Variants in DNAH7 observed in about 807,000 individuals in gnomAD.
DNAH7 encodes the protein dynein axonemal heavy chain 7, also known as axonemal beta dynein heavy chain 7.
In DNAH7, 397 loss-of-function variants were observed where a neutral mutation model predicts 444.6. That is an observed-to-expected ratio of 0.89 (90% CI 0.82 to 0.97). DNAH7 has a LOEUF of 0.97. Ranked by LOEUF, DNAH7 falls within the 50% of genes least tolerant of loss-of-function variation. DNAH7 has a pLI of 0.00. For synonymous variants in DNAH7, 1,636 were observed against 1,624.4 expected (o/e 1.01, Z -0.17); for missense variants, 4,902 against 4,800.8 (o/e 1.02, Z -0.62).
intron 47 of DNAH7, among the ~76,000 whole-genome samples, chr2:195,835,687 T>C (rs964883505): frequency 2.6e-5 from 4 of 151,690 alleles, no homozygotes; most frequent in Admixed American, 1.3e-4. Flanking sequence ...CTACTAAAAA[T>C]ACAAAAATTA....
At position 196,000,877 on chromosome 2, in the gene DNAH7, C is replaced by A. The variant is rs1463168531; in HGVS notation, c.1180G>T (p.Val394Phe). Residue 394 changes from valine (V) to phenylalanine (F), a missense_variant, in exon 12 of 65, where the codon GTT becomes TTT. By Grantham distance (50) the Val-to-Phe change is conservative (BLOSUM62 -1). Coordinates refer to ENST00000312428, the MANE Select transcript of DNAH7 (RefSeq NM_018897.3). Reference sequence around the variant, plus strand: ...AAACCTGGATGTTCAAAAGCTCTAACAGAATCCTGCAAAAAATTAAAAAAT... The same window carrying A: ...AAACCTGGATGTTCAAAAGCTCTAAAAGAATCCTGCAAAAAATTAAAAAAT... ...TDLIAQPPDS[V>F]RAFEHPGFIM... 1 of 1,562,142 alleles carries A rather than the reference C, an allele frequency of 6.4e-7. No individual in the cohort carries two copies.
chr2:195,909,275 T>A (rs1423667149), intron 25 of DNAH7, among the ~76,000 whole-genome samples: 1 of 152,174 alleles, frequency 6.6e-6, no homozygotes, highest in Non-Finnish European at 1.5e-5. Flanking sequence ...AAATGTGCTT[T>A]GAAAAATTAC....
At chr2:195,813,484 C>CA (rs2124875555) in intron 51 of DNAH7, among the ~76,000 whole-genome samples, 2 of 152,302 alleles carry the variant, frequency 1.3e-5, no homozygotes, top group South Asian at 4.1e-4. Context: ...CAAAGTGCTG[C>CA]AGAAGGGTAG....
chr2:195,774,176 A>T (rs1694964240), intron 60 of DNAH7, among the ~76,000 whole-genome samples: 1 of 152,232 alleles, frequency 6.6e-6, no homozygotes, highest in Non-Finnish European at 1.5e-5. Context: ...GTATTCTGTA[A>T]TGTGGCACAC....
intron 33 of DNAH7, among the ~76,000 whole-genome samples, chr2:195,886,479 A>G (rs1292386220): frequency 1.3e-5 from 2 of 152,160 alleles, no homozygotes; most frequent in Non-Finnish European, 2.9e-5. Flanking sequence ...AACCTTTCGC[A>G]TCGATTCTCA....
At chr2:195,832,232 T>C (rs921885065) in intron 48 of DNAH7, among the ~76,000 whole-genome samples, 2 of 152,180 alleles carry the variant, frequency 1.3e-5, no homozygotes, top group East Asian at 1.9e-4. Flanking sequence ...ATAATCTCTA[T>C]GGCCCTTTTG....
intron 8 of DNAH7, among the ~76,000 whole-genome samples, chr2:196,024,221 T>C (rs1000386055): frequency 1.3e-5 from 2 of 152,046 alleles, no homozygotes; most frequent in African/African-American, 2.4e-5. Context: ...CTCACAAACC[T>C]CCTACTGGCA....
At chr2:195,919,068 G>A (rs1265696196) in intron 24 of DNAH7, among the ~76,000 whole-genome samples, 1 of 151,890 alleles carries the variant, frequency 6.6e-6, no homozygotes, top group Admixed American at 6.6e-5. Flanking sequence ...GGCCAACATG[G>A]TGAAACTCTG....
intron 12 of DNAH7, among the ~76,000 whole-genome samples, 190 bp downstream of exon 12, chr2:196,000,514 G>A (rs1478620970): frequency 1.3e-5 from 2 of 152,174 alleles, no homozygotes; most frequent in Non-Finnish European, 2.9e-5. Context: ...TCCAAAGGAA[G>A]ACTAAACTAG....
intron 19 of DNAH7, among the ~76,000 whole-genome samples, chr2:195,938,486 G>T (rs1208818562): frequency 6.6e-6 from 1 of 151,174 alleles, no homozygotes; most frequent in Non-Finnish European, 1.5e-5. Context: ...GCCTGTATTT[G>T]TTTGGGGAAA....
chr2:195,744,614 C>T (rs1264562018), intron 63 of DNAH7, among the ~76,000 whole-genome samples: 1 of 152,198 alleles, frequency 6.6e-6, no homozygotes, highest in Non-Finnish European at 1.5e-5. Context: ...CCAGTAGGGG[C>T]AGACTGACAC....
chr2:196,063,276 T>G (rs1698236373), intron 1 of DNAH7: 1 of 152,262 alleles, frequency 6.6e-6, no homozygotes, highest in African/African-American at 2.4e-5. Context: ...GGTTGGATCG[T>G]TAATTCTTGC....
chr2:195,821,846 A>G (rs1201123744), intron 49 of DNAH7, among the ~76,000 whole-genome samples: 1 of 152,170 alleles, frequency 6.6e-6, no homozygotes, highest in East Asian at 1.9e-4. Flanking sequence ...TTATAAGAAA[A>G]TATTTCCTCT....
At chr2:195,880,669 A>G (rs972830615) in intron 36 of DNAH7, among the ~76,000 whole-genome samples, 1 of 152,204 alleles carries the variant, frequency 6.6e-6, no homozygotes, top group East Asian at 1.9e-4. Context: ...AAATGTTAGA[A>G]AAATTAGGGA....
intron 46 of DNAH7, among the ~76,000 whole-genome samples, chr2:195,849,261 T>C (rs1039268441): frequency 5.3e-5 from 8 of 152,188 alleles, no homozygotes; most frequent in Non-Finnish European, 8.8e-5. Flanking sequence ...TTACTCTTGC[T>C]CAAAAAAGAC....
intron 19 of DNAH7, among the ~76,000 whole-genome samples, chr2:195,952,347 G>T (rs764344922): frequency 3.3e-5 from 5 of 151,706 alleles, no homozygotes; most frequent in Admixed American, 6.6e-5. Flanking sequence ...GACCTTTCTG[G>T]CTGCCCTTAA....
intron 61 of DNAH7, among the ~76,000 whole-genome samples, chr2:195,770,045 G>T (rs1694762821): frequency 6.6e-6 from 1 of 152,048 alleles, no homozygotes; most frequent in African/African-American, 2.4e-5. Context: ...AAACATTTAG[G>T]AGTTATCATT....
chr2:195,867,699 T>C (rs865779392), intron 40 of DNAH7, among the ~76,000 whole-genome samples: 1 of 152,226 alleles, frequency 6.6e-6, no homozygotes, highest in Admixed American at 6.5e-5. Context: ...TGACCTTTTG[T>C]GTATGGACTT....
At position 195,816,791 on chromosome 2, in the gene DNAH7, G is replaced by T; in HGVS notation, c.9598C>A (p.Arg3200Ser). The part of the protein sequence containing the change: ...EETEKKIDTT[R>S]MGYRPIAIHS... The stretch of plus-strand genomic sequence containing the variant: ...ATGGCAATAGGACGATAGCCCATGC[G>T]GGTGGTGTCAATCTTTTTCTCTGTC... The change falls in exon 51 of 65, where the codon CGC (arginine) becomes AGC (serine). Residue 3200 changes from arginine to serine, a missense_variant. Coordinates refer to ENST00000312428, the MANE Select transcript of DNAH7 (RefSeq NM_018897.3). The T allele has an allele frequency of 6.2e-7, 1 of 1,614,132 alleles. No individual in the cohort carries two copies. Among genetic ancestry groups the T allele is most frequent in the Non-Finnish European group, 8.5e-7 (1 of 1,180,008 alleles).
Sources: allele counts gnomAD v4.1 joint callset (sites outside exome capture counted in the v4.1 genomes callset), GRCh38; gene constraint gnomAD v4.1.1; transcripts MANE v1.5; gene names NCBI Gene and HGNC (gene_info 2026-07-23, HGNC 2026-07-21).